The following SIM1 variants were observed in gnomAD, a reference collection of about 807,000 sequenced individuals.
The protein encoded by SIM1 is single-minded homolog 1.
A neutral mutation model predicts 78.2 loss-of-function variants in SIM1; 18 were observed. The observed-to-expected ratio is 0.23, with a 90% CI of 0.16 to 0.34. The LOEUF (loss-of-function observed/expected upper bound fraction) is 0.34. Among genes scored for constraint, SIM1 ranks in the 10% least tolerant of loss-of-function variants. The pLI is 1.00. For synonymous variants in SIM1, 417 were observed against 385.2 expected, an observed-to-expected ratio of 1.08 and a Z score of -0.97; for missense variants, 939 against 975.1, an observed-to-expected ratio of 0.96 and a Z score of 0.49.
intron 3 of SIM1, among the ~76,000 whole-genome samples, chr6:100,452,445 G>A (rs1170778000): frequency 6.6e-6 from 1 of 152,192 alleles, no homozygotes; most frequent in African/African-American, 2.4e-5. Flanking sequence ...ATTAGGATAA[G>A]AGATGAGCAT....
At chr6:100,418,674 A>G (rs909761039) in intron 10 of SIM1, among the ~76,000 whole-genome samples, 2 of 152,156 alleles carry the variant, frequency 1.3e-5, no homozygotes, top group African/African-American at 4.8e-5. Context: ...CTATATAACA[A>G]TAGACAAACT....
intron 10 of SIM1, among the ~76,000 whole-genome samples, chr6:100,412,397 C>A (rs1207607410): frequency 6.6e-6 from 1 of 151,130 alleles, no homozygotes; most frequent in African/African-American, 2.4e-5. Context: ...ATTAGCCAGC[C>A]GTGGTGGTGG....
chr6:100,455,813 A>G (rs1032177344), intron 2 of SIM1, among the ~76,000 whole-genome samples: 39 of 152,320 alleles, frequency 2.6e-4, no homozygotes, highest in African/African-American at 8.7e-4. Context: ...GGCCTCCCAA[A>G]GCGGCTGGAA....
chr6:100,395,240 G>A (rs1378141246), intron 10 of SIM1, among the ~76,000 whole-genome samples: 1 of 152,138 alleles, frequency 6.6e-6, no homozygotes, highest in Non-Finnish European at 1.5e-5. Context: ...AGCTTACTAT[G>A]TGTCTGGCAA....
At chr6:100,422,272 C>A (rs950210381) in intron 9 of SIM1, among the ~76,000 whole-genome samples, 3 of 152,116 alleles carry the variant, frequency 2.0e-5, no homozygotes, top group African/African-American at 7.2e-5. Context: ...GGCATGATCT[C>A]AGTTCACTGC....
chr6:100,385,989 A>T lies in SIM1; in HGVS notation c.*4372T>A, dbSNP rs951879262. 2.6e-5 allele frequency: 4 copies of T among 152,048 alleles called. No individual in the cohort carries two copies. The highest frequency in any genetic ancestry group is 5.9e-5 in the Non-Finnish European group (4 of 67,930). 9.4% of individuals were successfully genotyped at this position (152,048 alleles called of 1,614,324 possible). The stretch of plus-strand genomic sequence containing the variant: ...CTGTTGTCATTCATTTAAAATTTAG[A>T]TGATAACGAATGTTTTATCCACAAT... On this transcript the variant is annotated 3_prime_UTR_variant, in exon 12 of 12. Transcript: ENST00000369208.
At chr6:100,430,578 A>T (rs1053657487) in intron 9 of SIM1, among the ~76,000 whole-genome samples, 2 of 152,144 alleles carry the variant, frequency 1.3e-5, no homozygotes, top group Non-Finnish European at 2.9e-5. Context: ...CACATATGTT[A>T]TTCGGGCTGC....
Position 100,390,135 on chromosome 6 carries a change from T to A in SIM1, c.*226A>T, listed in dbSNP as rs535914827. 8 of 550,254 alleles carry A rather than the reference T, an allele frequency of 1.5e-5. No homozygotes were observed. The highest frequency in any genetic ancestry group is 2.2e-5 in the Non-Finnish European group (7 of 315,066). 34.1% of individuals were successfully genotyped at this position (550,254 alleles called of 1,614,324 possible). The stretch of plus-strand genomic sequence containing the variant: ...CAAAATTTATCTATTCTGGTTCCCA[T>A]ATAATTAGAGGGGAAATTTGTGTAT... On this transcript the variant is annotated 3_prime_UTR_variant, in exon 12 of 12. Coordinates refer to ENST00000369208, the MANE Select transcript of SIM1 (RefSeq NM_005068.3).
rs1294714960 is a variant in SIM1 at position 100,390,191 on chromosome 6, C to G, written c.*170G>C. On this transcript the variant is annotated 3_prime_UTR_variant, in exon 12 of 12. Coordinates refer to ENST00000369208, the MANE Select transcript of SIM1 (RefSeq NM_005068.3). ...TTAGCTCCCTTTTCTGTGTATAACC[C>G]TGAATGCTAGTGCTATGTTTTCTTT... The G allele has an allele frequency of 5.7e-6, 4 of 707,126 alleles. No individual in the cohort carries two copies. The highest frequency in any genetic ancestry group is 9.1e-6 in the Non-Finnish European group (4 of 437,844). The allele number at this position is 707,126 out of a possible 1,614,324, so 43.8% of individuals were successfully genotyped here.
Position 100,393,808 on chromosome 6 carries a change from G to A in SIM1, c.1249C>T (p.Pro417Ser). ...GGSPLTDTASPQLLDPADRPG... is the reference protein window; with the variant it reads ...GGSPLTDTASSQLLDPADRPG... ...CTATCGGCGGGGTCCAGAAGCTGCG[G>A]AGAGGCCGTGTCGGTCAAGGGACTT... Residue 417 changes from proline (P) to serine (S), a missense_variant, in exon 11 of 12, where the codon CCG (proline) becomes TCG (serine). Pro to Ser is a moderately conservative substitution (Grantham distance 74). Transcript: ENST00000369208. 1 of 1,613,668 alleles carries A rather than the reference G, an allele frequency of 6.2e-7. No homozygotes were observed.
Position 100,450,266 on chromosome 6 carries a change from C to A in SIM1, c.348+1G>T. On this transcript the variant is annotated splice_donor_variant, in intron 4 of 11. Coordinates refer to ENST00000369208, the MANE Select transcript of SIM1 (RefSeq NM_005068.3). LOFTEE classifies it high-confidence loss of function. ...GTGGGATATGTGAACCACTCACCTA[C>A]CTGAGAAAGACCCAAGTGGACTGAG... 1 of 1,613,306 alleles carries A rather than the reference C, an allele frequency of 6.2e-7. No individual in the cohort carries two copies. The highest frequency in any genetic ancestry group is 8.5e-7 in the Non-Finnish European group (1 of 1,179,330).
chr6:100,413,149 C>T (rs534622595), intron 10 of SIM1, among the ~76,000 whole-genome samples: 5 of 152,212 alleles, frequency 3.3e-5, no homozygotes, highest in African/African-American at 4.8e-5. Context: ...TGTGTTTTAA[C>T]GATGTTTACA....
chr6:100,397,133 C>T (rs1476693229), intron 10 of SIM1, among the ~76,000 whole-genome samples: 5 of 152,110 alleles, frequency 3.3e-5, no homozygotes, highest in African/African-American at 1.2e-4. Context: ...TATAATTTTA[C>T]TATAAGGCCA....
intron 10 of SIM1, among the ~76,000 whole-genome samples, chr6:100,411,618 T>A (rs980937648): frequency 3.3e-5 from 5 of 152,220 alleles, no homozygotes; most frequent in Non-Finnish European, 7.3e-5. Context: ...TATTTATTCA[T>A]TCATTCCATT....
chr6:100,458,257 G>A (rs1274580432), intron 2 of SIM1, among the ~76,000 whole-genome samples: 7 of 152,176 alleles, frequency 4.6e-5, no homozygotes, highest in Admixed American at 4.6e-4. Flanking sequence ...CTGCGTGACG[G>A]CCGAAAAACG....
intron 10 of SIM1, among the ~76,000 whole-genome samples, chr6:100,417,370 A>G (rs1375148432): frequency 6.6e-6 from 1 of 152,202 alleles, no homozygotes; most frequent in Non-Finnish European, 1.5e-5. Flanking sequence ...TATTTCTTTT[A>G]CCACTTCCTT....
chr6:100,440,282 G>A (rs1288358268), intron 9 of SIM1, among the ~76,000 whole-genome samples: 1 of 152,146 alleles, frequency 6.6e-6, no homozygotes, highest in Non-Finnish European at 1.5e-5. Flanking sequence ...TCTGCTCAAG[G>A]CCTCACAGCT....
intron 2 of SIM1, among the ~76,000 whole-genome samples, chr6:100,457,781 G>A (rs1389570617): frequency 2.0e-5 from 3 of 152,170 alleles, no homozygotes; most frequent in African/African-American, 7.2e-5. Context: ...TCCGGCTAAG[G>A]AGCCTGTGTG....
intron 1 of SIM1, among the ~76,000 whole-genome samples, chr6:100,464,223 C>T (rs545766340): frequency 6.6e-6 from 1 of 152,332 alleles, no homozygotes; most frequent in South Asian, 2.1e-4. Flanking sequence ...CGCGGATCCC[C>T]GAGTCCGCGC....
Sources: allele counts gnomAD v4.1 joint callset (sites outside exome capture counted in the v4.1 genomes callset), GRCh38; gene constraint gnomAD v4.1.1; transcripts MANE v1.5; gene names NCBI Gene and HGNC (gene_info 2026-07-23, HGNC 2026-07-21).